Variants in KDM5B observed in about 807,000 individuals in gnomAD.
KDM5B encodes lysine-specific demethylase 5B.
In KDM5B, 144 loss-of-function variants were observed where a neutral mutation model predicts 193.4. That is an observed-to-expected ratio of 0.74 (90% CI 0.65 to 0.86). The LOEUF (loss-of-function observed/expected upper bound fraction) is 0.86, where lower values mean the gene tolerates loss of function less well. Ranked by LOEUF, KDM5B falls within the 40% of genes least tolerant of loss-of-function variation. The pLI is 0.00. For missense variants in KDM5B, 1,833 were observed against 1,886.9 expected (o/e 0.97, Z 0.53); for synonymous variants, 668 against 682.6 (o/e 0.98, Z 0.33).
At chr1:202,747,550 C>A (rs1655606235) in intron 14 of KDM5B, among the ~76,000 whole-genome samples, 1 of 145,994 alleles carries the variant, frequency 6.8e-6, no homozygotes, top group African/African-American at 2.5e-5. Context: ...AGGATTCTAC[C>A]CAAAAAGGCA....
At position 202,741,440 on chromosome 1, in the gene KDM5B, T is replaced by G. The variant is rs772424958; in HGVS notation, c.2872A>C (p.Met958Leu). ...LAPYSAVEKAMARLQELLTVS... is the reference protein window; with the variant it reads ...LAPYSAVEKALARLQELLTVS... ...GTGAGCAGTTCCTGCAGCCGGGCCA[T>G]AGCTTTCTCCACTGCTGAATACGGG... The change falls in exon 19 of 27, where the codon ATG becomes CTG. Residue 958 changes from methionine to leucine, a missense_variant. Met to Leu is a conservative substitution (Grantham distance 15). This residue lies in a region of KDM5B where 1,379 missense variants were observed against 1,349.6 expected (regional missense o/e 1.02). Transcript: ENST00000367265. 6.2e-7 allele frequency: 1 copy of G among 1,609,910 alleles called. No homozygotes were observed. Among genetic ancestry groups the G allele is most frequent in the Non-Finnish European group, 8.5e-7 (1 of 1,177,166 alleles).
chr1:202,763,974 G>T, intron 6 of KDM5B, 75 bp downstream of exon 6: 1 of 833,732 alleles, frequency 1.2e-6, no homozygotes, highest in Non-Finnish European at 1.9e-6. Flanking sequence ...TGAATTTTCA[G>T]CTTATGTTTA....
chr1:202,796,721 G>A (rs1456809210), intron 1 of KDM5B: 5 of 181,546 alleles, frequency 2.8e-5, no homozygotes, highest in Admixed American at 5.3e-5. Flanking sequence ...GTTCAACTAC[G>A]AGCTAGTGAA....
In KDM5B at chr1:202,746,184, A is replaced by C; in HGVS notation, c.2156T>G (p.Val719Gly). The C allele has an allele frequency of 6.2e-7, 1 of 1,613,568 alleles. No homozygotes were observed. The highest frequency in any genetic ancestry group is 2.2e-5 in the East Asian group (1 of 44,872). Residue 719 changes from valine to glycine, a missense_variant, in exon 15 of 27, where the codon GTA becomes GGA. Around this residue, in one of 3 missense-constraint regions of KDM5B, gnomAD observed 1,379 missense variants for 1,349.6 expected, o/e 1.02. Coordinates refer to ENST00000367265, the MANE Select transcript of KDM5B (RefSeq NM_006618.5). The part of the protein sequence containing the change: ...KPGLLVCLHH[V>G]KELCSCPPYK... Reference sequence around the variant, plus strand: ...AGGAGGACAGGAACACAATTCTTTTACATGATGCAGGCAAACAAGAAGGCC... The same window carrying C: ...AGGAGGACAGGAACACAATTCTTTTCCATGATGCAGGCAAACAAGAAGGCC...
At chr1:202,770,107 T>C (rs1269051260) in intron 4 of KDM5B, among the ~76,000 whole-genome samples, 1 of 151,658 alleles carries the variant, frequency 6.6e-6, no homozygotes, top group African/African-American at 2.4e-5. Context: ...TTTTTTAGAA[T>C]AAATATGAAG....
chr1:202,780,329 G>C (rs1213061689), intron 1 of KDM5B, among the ~76,000 whole-genome samples: 1 of 152,072 alleles, frequency 6.6e-6, no homozygotes, highest in African/African-American at 2.4e-5. Flanking sequence ...TGGGATTACA[G>C]GCATGTACCA....
rs1654959494 is a variant in KDM5B, at chr1:202,733,272, G to C, written c.3909+129C>G. ...CATGGTCTTGAAGTGGGAAGCTACAGGTAAAGTGGGTGCTGTTAACAGTAA... is the reference window on the plus strand; with the variant it reads ...CATGGTCTTGAAGTGGGAAGCTACACGTAAAGTGGGTGCTGTTAACAGTAA... On this transcript the variant is annotated intron_variant, in intron 23 of 26. Coordinates refer to ENST00000367265, the MANE Select transcript of KDM5B (RefSeq NM_006618.5). The C allele has an allele frequency of 4.1e-6, 4 of 965,882 alleles. No homozygotes were observed. The South Asian group carries it at 6.7e-5, about 16-fold the overall frequency. 59.8% of individuals were successfully genotyped at this position (965,882 alleles called of 1,614,324 possible).
At chr1:202,748,499 C>A (rs1655653791) in intron 14 of KDM5B, among the ~76,000 whole-genome samples, 2 of 138,544 alleles carry the variant, frequency 1.4e-5, no homozygotes, top group South Asian at 4.6e-4. Flanking sequence ...TAGCAAAACA[C>A]CTATCTGATT....
chr1:202,772,286 T>C (rs577735535), intron 4 of KDM5B, among the ~76,000 whole-genome samples: 3 of 152,354 alleles, frequency 2.0e-5, no homozygotes, highest in African/African-American at 7.2e-5. Flanking sequence ...AGTACTGTTT[T>C]ACCTAAAAGT....
At chr1:202,764,008 T>C in intron 6 of KDM5B, 41 bp downstream of exon 6, 1 of 1,063,250 alleles carries the variant, frequency 9.4e-7, no homozygotes, top group Non-Finnish European at 1.4e-6. Flanking sequence ...ATTTTTACTT[T>C]ATTTACTTTT....
rs1318435878 is a variant in KDM5B, at chr1:202,808,113, G to T, written c.193C>A (p.Arg65=). Residue 65 remains arginine, a synonymous_variant, in exon 1 of 27, where the codon CGG becomes AGG. Transcript: ENST00000367265. ...CTGGCGTGACTCACCGGCGGCGGCCGCACCTTACAGATGCCAGTCTGCTCG... is the reference window on the plus strand; with the variant it reads ...CTGGCGTGACTCACCGGCGGCGGCCTCACCTTACAGATGCCAGTCTGCTCG... ...IAEQTGICKV[R]PPPDWQPPFA... 6.2e-7 allele frequency: 1 copy of T among 1,610,666 alleles called. No individual in the cohort carries two copies. The highest frequency in any genetic ancestry group is 2.2e-5 in the East Asian group (1 of 44,674).
intron 5 of KDM5B, among the ~76,000 whole-genome samples, chr1:202,765,801 G>C (rs17444097): frequency 0.22 from 32,917 of 151,970 alleles, 4,326 homozygotes; most frequent in Non-Finnish European, 0.3. Context: ...TACTGATTTA[G>C]TATGATTAAT....
At chr1:202,781,309 T>A (rs1052630201) in intron 1 of KDM5B, among the ~76,000 whole-genome samples, 1 of 152,142 alleles carries the variant, frequency 6.6e-6, no homozygotes, top group Non-Finnish European at 1.5e-5. Flanking sequence ...CTAAAATAAA[T>A]ACATAAATGA....
chr1:202,767,180 C>G, intron 4 of KDM5B, 120 bp from the exon 5 acceptor site: 3 of 1,552,390 alleles, frequency 1.9e-6, no homozygotes, highest in Non-Finnish European at 2.7e-6. Flanking sequence ...AGAGGCTGCA[C>G]CTCTTAAAAT....
At chr1:202,744,627 A>G (rs1655479591) in intron 16 of KDM5B, among the ~76,000 whole-genome samples, 3 of 152,228 alleles carry the variant, frequency 2.0e-5, no homozygotes, top group Admixed American at 6.5e-5. Context: ...CAGAATGGCT[A>G]TTATTAAAAA....
In KDM5B at chr1:202,795,910, T is replaced by C. The variant is rs558897140; in HGVS notation, c.204+12192A>G. The C allele has an allele frequency of 1.3e-5, 2 of 152,148 alleles. 1 individual carries two copies. The highest frequency in any genetic ancestry group is 4.8e-5 in the African/African-American group (2 of 41,406). 9.4% of individuals were successfully genotyped at this position (152,148 alleles called of 1,614,324 possible). The stretch of plus-strand genomic sequence containing the variant: ...GTCTAATTGTTGGTAAATAATAAAA[T>C]ATAGGGAGTAAAATACAGGGAGTCA... On this transcript the variant is annotated intron_variant, in intron 1 of 26. Coordinates refer to ENST00000367265, the MANE Select transcript of KDM5B (RefSeq NM_006618.5).
chr1:202,766,845 C>T, intron 5 of KDM5B, 81 bp downstream of exon 5: 3 of 1,433,434 alleles, frequency 2.1e-6, no homozygotes, highest in Non-Finnish European at 2.8e-6. Context: ...AGAGCACACA[C>T]ATGAGAGAAA....
intron 4 of KDM5B, chr1:202,767,308 A>G: frequency 6.2e-7 from 1 of 1,609,172 alleles, no homozygotes. Context: ...CATCTTAGCT[A>G]GTAACGACCA....
At chr1:202,736,451 G>GA in intron 20 of KDM5B, 59 bp from the exon 21 acceptor site, 1 of 1,363,034 alleles carries the variant, frequency 7.3e-7, no homozygotes, top group South Asian at 1.5e-5. Flanking sequence ...ATGAAAAACA[G>GA]GAAAAGCTTA....
Sources: gnomAD v4.1 joint callset for allele counts (sites outside exome capture counted in the v4.1 genomes callset) on GRCh38, gnomAD v4.1.1 for gene constraint, gnomAD v4.1.1 regional missense constraint, MANE v1.5 for transcripts, NCBI Gene and HGNC (gene_info 2026-07-23, HGNC 2026-07-21) for gene names.